SLC8A1: variants seen among roughly 807,000 people sequenced by gnomAD.
SLC8A1 encodes the protein solute carrier family 8 member A1.
SLC8A1 carries 18 observed loss-of-function variants against 68.3 expected under a neutral mutation model. The observed-to-expected ratio is 0.26, with a 90% confidence interval of 0.18 to 0.39. The LOEUF (loss-of-function observed/expected upper bound fraction) is 0.39, where lower values mean the gene tolerates loss of function less well. Among genes scored for constraint, SLC8A1 ranks in the 10% least tolerant of loss-of-function variants. The pLI is 1.00. For synonymous variants in SLC8A1, 475 were observed against 415.5 expected (o/e 1.14, Z -1.74); for missense variants, 985 against 1,156.7 (o/e 0.85, Z 2.15).
intron 2 of SLC8A1, among the ~76,000 whole-genome samples, chr2:40,301,980 A>G (rs2071542372): frequency 6.6e-6 from 1 of 151,542 alleles, no homozygotes; most frequent in African/African-American, 2.4e-5. Flanking sequence ...CTCCTGCCTC[A>G]GCCTGCAAAG....
In SLC8A1 at chr2:40,491,440, T is replaced by A. The variant is rs551537934; in HGVS notation, c.-25+20909A>T. Among the ~76,000 whole-genome samples, 24 of 152,260 alleles carry A rather than the reference T, an allele frequency of 1.6e-4. 1 individual carries two copies. Among genetic ancestry groups the A allele is most frequent in the Admixed American group, 6.5e-5 (1 of 15,278 alleles). On this transcript the variant is annotated intron_variant, in intron 1 of 7. Coordinates refer to the SLC8A1 transcript ENST00000402441. Reference sequence around the variant, plus strand: ...TCATGTCATCTGCAAACAGGGACAGTTTGACTTCCTCTTTTCCTAATTGAA... The same window carrying A: ...TCATGTCATCTGCAAACAGGGACAGATTGACTTCCTCTTTTCCTAATTGAA...
chr2:40,438,256 T>C (rs1194071048), intron 1 of SLC8A1, among the ~76,000 whole-genome samples: 4 of 152,168 alleles, frequency 2.6e-5, no homozygotes, highest in Non-Finnish European at 1.5e-5. Flanking sequence ...CTTTCTTTGA[T>C]GTTTGACCTT....
chr2:40,282,019 T>C (rs1024808638), intron 2 of SLC8A1, among the ~76,000 whole-genome samples: 1 of 152,152 alleles, frequency 6.6e-6, no homozygotes, highest in Non-Finnish European at 1.5e-5. Context: ...CTGGCTTCTA[T>C]CCCTTCAGCA....
chr2:40,270,565 C>A (rs1385699321), intron 2 of SLC8A1, among the ~76,000 whole-genome samples: 1 of 152,206 alleles, frequency 6.6e-6, no homozygotes, highest in East Asian at 1.9e-4. Flanking sequence ...ACTGTCCTTC[C>A]ATAGTTGCAT....
At chr2:40,280,620 A>G (rs143538186) in intron 2 of SLC8A1, among the ~76,000 whole-genome samples, 32 of 152,340 alleles carry the variant, frequency 2.1e-4, no homozygotes, top group Non-Finnish European at 4.1e-4. Flanking sequence ...CTGAAATAAA[A>G]GATTGAATCC....
intron 2 of SLC8A1, among the ~76,000 whole-genome samples, chr2:40,257,458 T>G (rs1284358302): frequency 6.6e-6 from 1 of 151,614 alleles, no homozygotes; most frequent in Non-Finnish European, 1.5e-5. Context: ...TTTTTGACCC[T>G]CTAGGCAGCC....
intron 4 of SLC8A1, among the ~76,000 whole-genome samples, chr2:40,170,870 AT>A (rs1223378241): frequency 6.6e-6 from 1 of 152,146 alleles, no homozygotes; most frequent in East Asian, 1.9e-4. Flanking sequence ...GTTTCTCCCC[AT>A]GTAAAATGGT....
chr2:40,223,369 G>A (rs750387574), intron 2 of SLC8A1, among the ~76,000 whole-genome samples: 8 of 152,068 alleles, frequency 5.3e-5, no homozygotes, highest in Non-Finnish European at 1.0e-4. Flanking sequence ...CCTGTCAGGG[G>A]GTGGGGAGCT....
intron 2 of SLC8A1, among the ~76,000 whole-genome samples, chr2:40,306,452 T>G (rs1210227627): frequency 4.1e-5 from 6 of 145,502 alleles, no homozygotes; most frequent in Admixed American, 6.8e-5. Context: ...GGAATGGTTG[T>G]GGGGGGGGGC....
intron 2 of SLC8A1, among the ~76,000 whole-genome samples, chr2:40,416,422 A>G (rs1693900766): frequency 1.3e-5 from 2 of 152,098 alleles, no homozygotes; most frequent in Admixed American, 1.3e-4. Flanking sequence ...TTTTTGGCAA[A>G]TAACTTTACT....
chr2:40,457,998 C>T (rs1446861442), intron 1 of SLC8A1, among the ~76,000 whole-genome samples: 2 of 152,172 alleles, frequency 1.3e-5, no homozygotes, highest in Admixed American at 6.5e-5. Context: ...TACCCTTAGA[C>T]ATTCTGCCTC....
intron 2 of SLC8A1, among the ~76,000 whole-genome samples, chr2:40,252,401 C>T (rs1014950831): frequency 3.9e-5 from 6 of 152,018 alleles, no homozygotes; most frequent in African/African-American, 1.2e-4. Flanking sequence ...GGCATGATCT[C>T]GGCTCACTGC....
intron 2 of SLC8A1, among the ~76,000 whole-genome samples, chr2:40,246,205 G>A (rs1415371670): frequency 6.6e-6 from 1 of 152,116 alleles, no homozygotes; most frequent in Non-Finnish European, 1.5e-5. Flanking sequence ...TCTTGGATAT[G>A]GTTGGTTACA....
chr2:40,381,917 C>T (rs1256995863), intron 2 of SLC8A1, among the ~76,000 whole-genome samples: 2 of 151,950 alleles, frequency 1.3e-5, no homozygotes, highest in Non-Finnish European at 1.5e-5. Context: ...CATGTACTTA[C>T]ATTTCTTCCC....
At chr2:40,225,014 A>C (rs1462023335) in intron 2 of SLC8A1, among the ~76,000 whole-genome samples, 1 of 152,150 alleles carries the variant, frequency 6.6e-6, no homozygotes, top group Non-Finnish European at 1.5e-5. Flanking sequence ...ACCTGGGCCT[A>C]TCATTTCTGG....
chr2:40,430,301 C>G, exon 2 of SLC8A1: 10 of 1,580,510 alleles, frequency 6.3e-6, no homozygotes, highest in Non-Finnish European at 7.7e-6. Flanking sequence ...ACTGTCACAA[C>G]CTACTGGTAA....
intron 2 of SLC8A1, among the ~76,000 whole-genome samples, chr2:40,199,078 T>A (rs371364642): frequency 8.7e-6 from 1 of 114,716 alleles, no homozygotes; most frequent in East Asian, 2.1e-4. Flanking sequence ...TGCCAGCTGA[T>A]ATAATAGAAA....
intron 2 of SLC8A1, among the ~76,000 whole-genome samples, chr2:40,354,093 T>C (rs1425349567): frequency 6.6e-6 from 1 of 152,156 alleles, no homozygotes; most frequent in African/African-American, 2.4e-5. Flanking sequence ...TAAATCCACA[T>C]GTAATTAGGT....
At chr2:40,363,966 G>GC (rs1486341618) in intron 2 of SLC8A1, among the ~76,000 whole-genome samples, 15 of 151,702 alleles carry the variant, frequency 9.9e-5, no homozygotes, top group Non-Finnish European at 1.9e-4. Context: ...AAAAATGAAA[G>GC]CACAATGTAA....
Sources: gnomAD v4.1 joint callset for allele counts (sites outside exome capture counted in the v4.1 genomes callset) on GRCh38, gnomAD v4.1.1 for gene constraint, MANE v1.5 for transcripts, NCBI Gene and HGNC (gene_info 2026-07-23, HGNC 2026-07-21) for gene names.